CPEB1: variants seen among roughly 807,000 people sequenced by gnomAD.
CPEB1 encodes the protein cytoplasmic polyadenylation element-binding protein 1.
In CPEB1, 7 loss-of-function variants were observed where a neutral mutation model predicts 65.8. The ratio of observed to expected loss-of-function variants is 0.11; its 90% CI spans 0.06 to 0.20. The LOEUF (loss-of-function observed/expected upper bound fraction) is 0.20. Among genes scored for constraint, CPEB1 ranks in the 10% least tolerant of loss-of-function variants. The pLI, the probability that CPEB1 is intolerant of heterozygous loss-of-function variation, is 1.00. For synonymous variants in CPEB1, 262 were observed against 260.0 expected (o/e 1.01, Z -0.08); for missense variants, 551 against 712.2 (o/e 0.77, Z 2.58).
At chr15:82,615,878 T>A (rs783525) in intron 3 of CPEB1, among the ~76,000 whole-genome samples, 67,498 of 151,804 alleles carry the variant, frequency 0.44, 15,055 homozygotes, top group South Asian at 0.49. Context: ...CACAGGAGAC[T>A]TAAACAAGGA....
intron 1 of CPEB1, among the ~76,000 whole-genome samples, chr15:82,636,996 G>A (rs2046716760): frequency 1.3e-5 from 2 of 152,088 alleles, no homozygotes; most frequent in African/African-American, 4.8e-5. Flanking sequence ...AAAAACAAAG[G>A]CTCCAGAGTT....
rs113696145 is a variant in CPEB1 at position 82,590,543 on chromosome 15, G to C, written c.272-19011C>G. Among the ~76,000 whole-genome samples, 71 of 152,152 alleles carry C rather than the reference G, an allele frequency of 4.7e-4. 1 individual carries two copies. Among genetic ancestry groups the C allele is most frequent in the Admixed American group, 3.3e-4 (5 of 15,296 alleles). On this transcript the variant is annotated intron_variant, in intron 3 of 12. Coordinates refer to ENST00000684509, the MANE Select transcript of CPEB1 (RefSeq NM_001365242.1). Reference sequence around the variant, plus strand: ...TTTTTTTTAAGTTCAGCGATGTGCAGGTTTGTTATATGAGTAAACTCGTGA... The same window carrying C: ...TTTTTTTTAAGTTCAGCGATGTGCACGTTTGTTATATGAGTAAACTCGTGA...
At chr15:82,585,708 T>C (rs1468971976) in intron 3 of CPEB1, among the ~76,000 whole-genome samples, 1 of 152,184 alleles carries the variant, frequency 6.6e-6, no homozygotes, top group Non-Finnish European at 1.5e-5. Context: ...TTTTTTAAAA[T>C]AGCATGCAAG....
Position 82,557,901 on chromosome 15 carries a change from G to C in CPEB1, c.546C>G (p.Asp182Glu). ...AGGGTGCTGGAAACTTGTCCACCAA[G>C]TCAGACCCAAGGGGATCCAGAGGCA... ...SFLPLDPLGS[D>E]LVDKFPAPSV... Residue 182 changes from aspartate (D) to glutamate (E), a missense_variant, in exon 5 of 13, where the codon GAC becomes GAG. Physicochemically the swap from Asp to Glu is conservative, Grantham distance 45. Transcript: ENST00000684509. The C allele has an allele frequency of 1.9e-6, 3 of 1,614,200 alleles. No homozygotes were observed. The highest frequency in any genetic ancestry group is 3.3e-4 in the Middle Eastern group (2 of 6,062).
At chr15:82,586,444 T>C (rs2041810054) in intron 3 of CPEB1, among the ~76,000 whole-genome samples, 1 of 152,230 alleles carries the variant, frequency 6.6e-6, no homozygotes, top group Non-Finnish European at 1.5e-5. Context: ...AAAAGTGCTT[T>C]AAACTCTAGA....
intron 3 of CPEB1, among the ~76,000 whole-genome samples, chr15:82,616,348 G>A (rs1174617906): frequency 1.3e-5 from 2 of 151,938 alleles, no homozygotes; most frequent in African/African-American, 2.4e-5. Flanking sequence ...ATAAAAACAC[G>A]GATGGGAAGG....
intron 3 of CPEB1, among the ~76,000 whole-genome samples, chr15:82,612,461 CATTCCA>C (rs962873427): frequency 3.6e-5 from 5 of 140,366 alleles, no homozygotes; most frequent in African/African-American, 1.3e-4. Flanking sequence ...CACACTATTG[CATTCCA>C]GCCTGGGTAA....
chr15:82,553,778 A>G (rs901893699), intron 7 of CPEB1, 100 bp downstream of exon 7: 2 of 878,236 alleles, frequency 2.3e-6, no homozygotes, highest in Non-Finnish European at 3.8e-6. Flanking sequence ...CCCTGAGCTC[A>G]GGCAGGGCAT....
chr15:82,595,811 C>T (rs1044792220), intron 3 of CPEB1, among the ~76,000 whole-genome samples: 3 of 152,190 alleles, frequency 2.0e-5, no homozygotes, highest in Non-Finnish European at 4.4e-5. Context: ...TGCTATTTGG[C>T]AACCTCTAAT....
At chr15:82,548,834 G>A (rs895848189) in intron 10 of CPEB1, 8 of 365,474 alleles carry the variant, frequency 2.2e-5, no homozygotes, top group Non-Finnish European at 3.9e-5. Flanking sequence ...AGCATTTGGG[G>A]AGGTGGGTTA....
At chr15:82,564,894 G>A (rs928355223) in intron 4 of CPEB1, among the ~76,000 whole-genome samples, 1 of 152,096 alleles carries the variant, frequency 6.6e-6, no homozygotes, top group East Asian at 1.9e-4. Flanking sequence ...GAGCAAGAAA[G>A]AGTGTCTCAC....
intron 3 of CPEB1, among the ~76,000 whole-genome samples, chr15:82,620,804 A>G (rs950860722): frequency 6.6e-6 from 1 of 152,208 alleles, no homozygotes; most frequent in Middle Eastern, 3.2e-3. Context: ...CCATCTCAGA[A>G]AAATAAAAAT....
intron 10 of CPEB1, 78 bp downstream of exon 10, chr15:82,549,382 T>G: frequency 6.8e-7 from 1 of 1,475,666 alleles, no homozygotes; most frequent in South Asian, 1.2e-5. Context: ...CTCTCCTCAC[T>G]CCCATGGGGA....
intron 3 of CPEB1, among the ~76,000 whole-genome samples, chr15:82,586,958 C>G (rs2041853100): frequency 6.6e-6 from 1 of 152,180 alleles, no homozygotes; most frequent in South Asian, 2.1e-4. Flanking sequence ...CTACATACAA[C>G]TTTGCAACAG....
At chr15:82,560,432 T>C (rs1567178585) in intron 4 of CPEB1, among the ~76,000 whole-genome samples, 1 of 149,964 alleles carries the variant, frequency 6.7e-6, no homozygotes, top group South Asian at 2.1e-4. Flanking sequence ...CAGGGCCTAG[T>C]TCTGTTGCCC....
At chr15:82,639,849 A>ACTCT (rs112948983) in intron 1 of CPEB1, among the ~76,000 whole-genome samples, 3,592 of 145,956 alleles carry the variant, frequency 0.025, 141 homozygotes, top group South Asian at 0.2. Flanking sequence ...ACGCGCAAAC[A>ACTCT]CTCTCTCTCT....
chr15:82,643,139 C>T (rs1208025851), intron 1 of CPEB1, among the ~76,000 whole-genome samples: 2 of 152,158 alleles, frequency 1.3e-5, no homozygotes, highest in African/African-American at 4.8e-5. Flanking sequence ...TCCACAAACA[C>T]TGAACTCATA....
At chr15:82,638,130 T>C (rs199638923) in intron 1 of CPEB1, 2 of 300,098 alleles carry the variant, frequency 6.7e-6, no homozygotes, top group Non-Finnish European at 1.4e-5. Flanking sequence ...CACAGATACA[T>C]AGTTGGAAAA....
intron 4 of CPEB1, among the ~76,000 whole-genome samples, chr15:82,559,235 C>T (rs2037777565): frequency 6.6e-6 from 1 of 152,094 alleles, no homozygotes; most frequent in Non-Finnish European, 1.5e-5. Context: ...GACACACATG[C>T]CATTGATGGA....
Sources: gnomAD v4.1 joint callset for allele counts (sites outside exome capture counted in the v4.1 genomes callset) on GRCh38, gnomAD v4.1.1 for gene constraint, MANE v1.5 for transcripts, NCBI Gene and HGNC (gene_info 2026-07-23, HGNC 2026-07-21) for gene names.